The following C16orf96 variants were observed in gnomAD, a reference collection of about 807,000 sequenced individuals.
C16orf96 encodes uncharacterized protein C16orf96.
In C16orf96, 108 loss-of-function variants were observed where a neutral mutation model predicts 103.6. The ratio of observed to expected loss-of-function variants is 1.04; its 90% confidence interval spans 0.89 to 1.22. The LOEUF is 1.22. Among genes scored for constraint, C16orf96 ranks in the 50% most tolerant of loss-of-function variants. C16orf96 has a pLI of 0.00. For synonymous variants in C16orf96, 566 were observed against 593.5 expected, an observed-to-expected ratio of 0.95 and a Z score of 0.67; for missense variants, 1,586 against 1,464.2, an observed-to-expected ratio of 1.08 and a Z score of -1.36.
At chr16:4,567,694 T>TAC (rs2059396723) in intron 1 of C16orf96, among the ~76,000 whole-genome samples, 2 of 3,090 alleles carry the variant, frequency 6.5e-4, no homozygotes, top group African/African-American at 8.5e-4. Context: ...TCTGTTGCCT[T>TAC]TTTTTTTTTT....
intron 14 of C16orf96, among the ~76,000 whole-genome samples, chr16:4,595,577 TG>T (rs926634199): frequency 1.3e-5 from 2 of 152,168 alleles, no homozygotes; most frequent in African/African-American, 4.8e-5. Flanking sequence ...CCCTTGGGGA[TG>T]GGGAGTTCTA....
intron 9 of C16orf96, among the ~76,000 whole-genome samples, chr16:4,589,658 C>T (rs540764198): frequency 7.9e-5 from 12 of 151,932 alleles, no homozygotes; most frequent in Middle Eastern, 3.4e-3. Flanking sequence ...AGAGATTTTA[C>T]TTGTTTCCTG....
rs1352674536 is a variant in C16orf96, at chr16:4,592,385, G to T, written c.2774+18G>T. On this transcript the variant is annotated intron_variant, in intron 11 of 15. Coordinates refer to ENST00000444310, the MANE Select transcript of C16orf96 (RefSeq NM_001145011.2). The stretch of plus-strand genomic sequence containing the variant: ...ACTGGCCCGTGAGTACCACCGCCCA[G>T]GGTGCCCCGGCCCTAAGGGCTTGTG... 6.4e-7 allele frequency: 1 copy of T among 1,551,388 alleles called. No homozygotes were observed.
rs750839190 is a variant in C16orf96, at chr16:4,600,103, T to C, written c.3212T>C (p.Leu1071Pro). ...SALFGAICPP[L>P]CPRSSACSAA... is the part of the protein sequence containing the mutation. The stretch of plus-strand genomic sequence containing the variant: ...GGTTTCTCCTGCCCCTCCCCAGCCC[T>C]GTGCCCCCGCTCCAGTGCCTGCTCA... The change falls in exon 16 of 16, where the codon CTG (leucine) becomes CCG (proline). Residue 1071 changes from leucine (L) to proline (P), a missense_variant. Transcript: ENST00000444310. The C allele has an allele frequency of 4.1e-5, 63 of 1,551,208 alleles. 1 individual carries two copies. The Admixed American group carries it at 1.2e-3, about 29-fold the overall frequency.
intron 7 of C16orf96, among the ~76,000 whole-genome samples, 190 bp from the exon 8 acceptor site, chr16:4,586,849 C>T (rs766087914): frequency 2.6e-5 from 4 of 152,300 alleles, no homozygotes; most frequent in African/African-American, 7.2e-5. Context: ...CCAAGTCGCA[C>T]GTTCCTTCCC....
intron 9 of C16orf96, among the ~76,000 whole-genome samples, chr16:4,590,899 G>A (rs1332877581): frequency 3.3e-5 from 5 of 151,890 alleles, no homozygotes; most frequent in Admixed American, 6.6e-5. Context: ...GGGTTTGGGG[G>A]CACACGCCTG....
chr16:4,575,655 G>A lies in C16orf96; in HGVS notation c.1175G>A (p.Arg392His), dbSNP rs548069395. 117 of 1,535,238 alleles carry A rather than the reference G, an allele frequency of 7.6e-5. No individual in the cohort carries two copies. The highest frequency in any genetic ancestry group is 1.2e-4 in the African/African-American group (9 of 72,662). ...PLGDWPALPR[R>H]WPLPQGWPRV... ...GGAGACTGGCCTGCACTCCCAAGAC[G>A]CTGGCCTCTTCCCCAAGGCTGGCCC... The change falls in exon 5 of 16, where the codon CGC (arginine) becomes CAC (histidine). Residue 392 changes from arginine (R) to histidine (H), a missense_variant. Arg to His is a conservative substitution (Grantham distance 29, BLOSUM62 0). Transcript: ENST00000444310.
intron 2 of C16orf96, among the ~76,000 whole-genome samples, chr16:4,572,235 G>A (rs949482549): frequency 1.3e-5 from 2 of 151,646 alleles, no homozygotes; most frequent in Admixed American, 6.6e-5. Context: ...GCAAAATAAG[G>A]GATTTATTGT....
In C16orf96 at chr16:4,575,160, C is replaced by A. The variant is rs1432294922; in HGVS notation, c.694-14C>A. 12 of 1,545,010 alleles carry A rather than the reference C, an allele frequency of 7.8e-6. No individual in the cohort carries two copies. The African/African-American group carries it at 1.2e-4, about 16-fold the overall frequency. ...CTGGAAGCCAGCAGAGCCCCTCTGC[C>A]CCCTCTTCTGCAGGAAATTGGTTCA... On this transcript the variant is annotated splice_polypyrimidine_tract_variant and intron_variant, in intron 4 of 15. Coordinates refer to ENST00000444310, the MANE Select transcript of C16orf96 (RefSeq NM_001145011.2).
At chr16:4,555,308 ACACG>A (rs1295278036), upstream of C16orf96, among the ~76,000 whole-genome samples, 13 of 119,360 alleles carry the variant, frequency 1.1e-4, no homozygotes, top group Non-Finnish European at 1.5e-4. Context: ...ACACACACAC[ACACG>A]AGAAAATGGA....
Position 4,576,635 on chromosome 16 carries a change from G to T in C16orf96, c.2155G>T (p.Ala719Ser). The T allele has an allele frequency of 1.9e-6, 3 of 1,548,560 alleles. No individual in the cohort carries two copies. The highest frequency in any genetic ancestry group is 2.6e-6 in the Non-Finnish European group (3 of 1,145,348). ...CCTGAACCAGCGCTTGAGTTATCTA[G>T]GTAGGCCTGGTCTGGCCCTGGGAAG... ...CNLNQRLSYL[A>S]NMGGPSSLGT... is the part of the protein sequence containing the mutation. Residue 719 changes from alanine to serine, a missense_variant and splice_region_variant, in exon 5 of 16, where the codon GCC becomes TCC. Coordinates refer to ENST00000444310, the MANE Select transcript of C16orf96 (RefSeq NM_001145011.2).
At chr16:4,569,604 C>T (rs2059415284) in intron 1 of C16orf96, among the ~76,000 whole-genome samples, 1 of 151,488 alleles carries the variant, frequency 6.6e-6, no homozygotes, top group South Asian at 2.1e-4. Context: ...TGGTGGTGTG[C>T]CCCTGTAGTC....
chr16:4,555,501 T>C (rs552907935), upstream of C16orf96, among the ~76,000 whole-genome samples: 5 of 150,394 alleles, frequency 3.3e-5, no homozygotes, highest in African/African-American at 9.8e-5. Context: ...GCCTCCAGAG[T>C]AGCTGGGATT....
upstream of C16orf96, among the ~76,000 whole-genome samples, chr16:4,552,387 C>T (rs1366724610): frequency 6.7e-6 from 1 of 148,682 alleles, no homozygotes; most frequent in Non-Finnish European, 1.5e-5. Flanking sequence ...GAGGCTGAGG[C>T]AGGAGAGTCG....
At chr16:4,552,481 C>CAAA (rs58618088), upstream of C16orf96, among the ~76,000 whole-genome samples, 18 of 67,876 alleles carry the variant, frequency 2.7e-4, no homozygotes, top group African/African-American at 7.0e-4. Context: ...GACTCTGTCT[C>CAAA]AAAAAAAAAA....
At chr16:4,547,194 G>A in the C16orf96 span, among the ~76,000 whole-genome samples, 2 of 152,170 alleles carry the variant, frequency 1.3e-5, no homozygotes, top group East Asian at 3.8e-4. Context: ...GAGTGCAGTG[G>A]TATGATCTTG....
chr16:4,594,349 A>G lies in C16orf96; in HGVS notation c.2868-2A>G. 1 of 1,550,706 alleles carries G rather than the reference A, an allele frequency of 6.4e-7. No individual in the cohort carries two copies. The highest frequency in any genetic ancestry group is 1.7e-4 in the Middle Eastern group (1 of 5,954). On this transcript the variant is annotated splice_acceptor_variant, in intron 12 of 15. Coordinates refer to ENST00000444310, the MANE Select transcript of C16orf96 (RefSeq NM_001145011.2). LOFTEE classifies it high-confidence loss of function. ...CGCTGCTGACCCACTGCCCTGCTGCAGGGAACAGCAGTGGCTGCAGCTCCA... is the reference window on the plus strand; with the variant it reads ...CGCTGCTGACCCACTGCCCTGCTGCGGGGAACAGCAGTGGCTGCAGCTCCA...
chr16:4,600,437 C>T lies in C16orf96; in HGVS notation c.*120C>T. 1.6e-6 allele frequency: 1 copy of T among 618,370 alleles called. No individual in the cohort carries two copies. Among genetic ancestry groups the T allele is most frequent in the Non-Finnish European group, 2.8e-6 (1 of 359,146 alleles). 38.3% of individuals were successfully genotyped at this position (618,370 alleles called of 1,614,324 possible). The stretch of plus-strand genomic sequence containing the variant: ...TCGGAGGCTGAGGCCTATGTGGCCC[C>T]CCACCCCCACCCCCACCAAGTCCCC... On this transcript the variant is annotated 3_prime_UTR_variant, in exon 16 of 16. Transcript: ENST00000444310.
intron 5 of C16orf96, among the ~76,000 whole-genome samples, chr16:4,577,838 C>G (rs533868327): frequency 1.3e-5 from 2 of 152,300 alleles, no homozygotes; most frequent in East Asian, 3.9e-4. Flanking sequence ...CGCCTGTAAT[C>G]CCAGCTACCT....
Sources: gnomAD v4.1 joint callset for allele counts (sites outside exome capture counted in the v4.1 genomes callset) on GRCh38, gnomAD v4.1.1 for gene constraint, MANE v1.5 for transcripts, NCBI Gene and HGNC (gene_info 2026-07-23, HGNC 2026-07-21) for gene names.